Variants in POLRMT observed in about 807,000 individuals in gnomAD.
The protein encoded by POLRMT is RNA polymerase mitochondrial, also known as DNA-directed RNA polymerase, mitochondrial.
In POLRMT, 114 loss-of-function variants were observed where a neutral mutation model predicts 132.2. The observed-to-expected ratio is 0.86, with a 90% confidence interval of 0.74 to 1.01. POLRMT has a LOEUF of 1.01. POLRMT is among the 50% of genes least tolerant of loss of function. The pLI is 0.00. For synonymous variants in POLRMT, 1,020 were observed against 773.4 expected, an observed-to-expected ratio of 1.32 and a Z score of -5.29; for missense variants, 2,003 against 1,729.1, an observed-to-expected ratio of 1.16 and a Z score of -2.81.
intron 5 of POLRMT, 103 bp from the exon 6 acceptor site, chr19:623,706 A>C: frequency 7.1e-7 from 1 of 1,399,300 alleles, no homozygotes; most frequent in Non-Finnish European, 9.8e-7. Flanking sequence ...GTCTCCTGCA[A>C]GTTGCTGGTG....
rs1303898673 is a variant in POLRMT, at chr19:618,767, A to AG, written c.3268-8dup. The AG allele has an allele frequency of 6.9e-6, 11 of 1,594,104 alleles. No homozygotes were observed. The highest frequency in any genetic ancestry group is 1.7e-6 in the Non-Finnish European group (2 of 1,171,378). ...GAATTCCACCTCCTATTTGCTAAAAAGGGGAAGGGGCCGGTGAGTCCCACC... is the reference window on the plus strand; with the variant it reads ...GAATTCCACCTCCTATTTGCTAAAAAGGGGGAAGGGGCCGGTGAGTCCCACC... On this transcript the variant is annotated splice_region_variant and splice_polypyrimidine_tract_variant and intron_variant, in intron 15 of 20. Transcript: ENST00000588649.
At chr19:628,729 A>C (rs1600589762) in intron 3 of POLRMT, among the ~76,000 whole-genome samples, 1 of 151,956 alleles carries the variant, frequency 6.6e-6, no homozygotes, top group Non-Finnish European at 1.5e-5. Context: ...CTTTGGCCGG[A>C]TACGGTGGCT....
Position 624,886 on chromosome 19 carries a change from G to A in POLRMT, c.973C>T (p.Gln325Ter). 2.5e-6 allele frequency: 4 copies of A among 1,612,232 alleles called. No individual in the cohort carries two copies. The highest frequency in any genetic ancestry group is 2.5e-6 in the Non-Finnish European group (3 of 1,179,476). Residue 325 changes from glutamine (Q) to a stop codon, truncating the protein, a stop_gained, in exon 5 of 21, where the codon CAG becomes TAG. Transcript: ENST00000588649. LOFTEE classifies it high-confidence loss of function. ...AGTGCCTGCAGCTTCAGCCCCTCCT[G>A]GCTCATCTGTTCCAGACACCTGTGG... ...TIERCLEQMS[Q>*]EGLKLQALFT...
chr19:631,168 G>A (rs1413589065), intron 2 of POLRMT, among the ~76,000 whole-genome samples: 1 of 149,248 alleles, frequency 6.7e-6, no homozygotes, highest in African/African-American at 2.4e-5. Flanking sequence ...AAAAAAAAAA[G>A]ACTGTTGAAA....
At position 621,265 on chromosome 19, in the gene POLRMT, C is replaced by A. The variant is rs368896862; in HGVS notation, c.2433G>T (p.Pro811=). ...CGTCGCTGCCCAGGTGGTTGAAGTG[C>A]GGCGGGCAGGGGTAGGTGCGGCCGC... is the stretch of plus-strand genomic sequence containing the variant. The part of the protein sequence containing the change: ...DFRGRTYPCP[P]HFNHLGSDVA... The change falls in exon 10 of 21, where the codon CCG becomes CCT. Residue 811 remains proline (P), a synonymous_variant. Coordinates refer to ENST00000588649, the MANE Select transcript of POLRMT (RefSeq NM_005035.4). The A allele has an allele frequency of 6.2e-7, 1 of 1,607,334 alleles. No homozygotes were observed. Among genetic ancestry groups the A allele is most frequent in the African/African-American group, 1.3e-5 (1 of 74,680 alleles).
chr19:617,734 G>A (rs755262121), intron 18 of POLRMT, 43 bp downstream of exon 18: 3 of 1,610,128 alleles, frequency 1.9e-6, no homozygotes, highest in Non-Finnish European at 2.5e-6. Context: ...CCAGTGTGGG[G>A]GCCCCACCCA....
chr19:618,014 G>C lies in POLRMT; in HGVS notation c.3423-165C>G, dbSNP rs1256894554. On this transcript the variant is annotated intron_variant, in intron 17 of 20. Coordinates refer to ENST00000588649, the MANE Select transcript of POLRMT (RefSeq NM_005035.4). ...CCCCGCCCCTCCCCAAACATCCTGGGTTAGGTATCAGTACAGGGGGAGGAA... is the reference window on the plus strand; with the variant it reads ...CCCCGCCCCTCCCCAAACATCCTGGCTTAGGTATCAGTACAGGGGGAGGAA... 10 of 646,324 alleles carry C rather than the reference G, an allele frequency of 1.5e-5. No homozygotes were observed. In the East Asian group the frequency reaches 1.9e-4, roughly 12 times the overall value. 40.0% of individuals were successfully genotyped at this position (646,324 alleles called of 1,614,324 possible). A position where few individuals can be genotyped will look rare whatever the true frequency, so the allele number is the denominator to read the frequency against.
chr19:620,803 A>C (rs1984474927), intron 10 of POLRMT, among the ~76,000 whole-genome samples: 13 of 90,436 alleles, frequency 1.4e-4, no homozygotes, highest in East Asian at 1.1e-3. Context: ...AACGTGGGGA[A>C]CGCGGGGGCC....
intron 3 of POLRMT, 33 bp from the exon 4 acceptor site, chr19:625,287 G>T (rs199655485): frequency 3.7e-6 from 6 of 1,611,094 alleles, no homozygotes; most frequent in South Asian, 3.3e-5. Flanking sequence ...GGGTCTGGGG[G>T]GATGGCCCAA....
At chr19:631,681 C>T (rs115414704) in intron 2 of POLRMT, among the ~76,000 whole-genome samples, 20,914 of 152,038 alleles carry the variant, frequency 0.14, 1,608 homozygotes, top group South Asian at 0.18. Context: ...GCGTGATGTC[C>T]GCCTTCAGAG....
intron 12 of POLRMT, 21 bp downstream of exon 12, chr19:619,937 G>A (rs1450849883): frequency 3.7e-6 from 6 of 1,600,056 alleles, no homozygotes; most frequent in Middle Eastern, 4.1e-4. Flanking sequence ...AGATGCCCCC[G>A]GGCAGCAGGG....
At chr19:629,314 G>A (rs969161226) in intron 3 of POLRMT, among the ~76,000 whole-genome samples, 23 of 152,114 alleles carry the variant, frequency 1.5e-4, no homozygotes, top group African/African-American at 4.8e-4. Flanking sequence ...GAGAAAGAAC[G>A]GAAGGAAATG....
At position 622,569 on chromosome 19, in the gene POLRMT, G is replaced by T. The variant is rs779976161; in HGVS notation, c.1626+13C>A. The T allele has an allele frequency of 2.5e-6, 4 of 1,590,458 alleles. No homozygotes were observed. In the Admixed American group the frequency reaches 6.8e-5, roughly 27 times the overall value. On this transcript the variant is annotated intron_variant, in intron 8 of 20. Transcript: ENST00000588649. ...CTGGCCCCAGCCAGGAGGAGAGGGG[G>T]TGCGAGCCTCACCTCGGCGTCGGAG...
Position 622,576 on chromosome 19 carries a change from C to CCT in POLRMT, c.1626+4_1626+5dup. The CCT allele has an allele frequency of 6.3e-7, 1 of 1,595,352 alleles. No homozygotes were observed. Among genetic ancestry groups the CCT allele is most frequent in the Non-Finnish European group, 8.5e-7 (1 of 1,170,804 alleles). ...CAGCCAGGAGGAGAGGGGGTGCGAG[C>CCT]CTCACCTCGGCGTCGGAGGCCAGCA... On this transcript the variant is annotated splice_donor_region_variant and intron_variant, in intron 8 of 20. Transcript: ENST00000588649.
rs372323103 is a variant in POLRMT, at chr19:621,039, G to A, written c.2640+19C>T. ...CGGGGGTGCCGGGAGGGCGGGGAAT[G>A]CGGGGGCCCCGCCCCTACCGTCAAG... On this transcript the variant is annotated intron_variant, in intron 10 of 20. Transcript: ENST00000588649. 658 of 1,572,538 alleles carry A rather than the reference G, an allele frequency of 4.2e-4. 1 individual carries two copies. The highest frequency in any genetic ancestry group is 5.1e-4 in the Non-Finnish European group (595 of 1,162,770).
intron 9 of POLRMT, 86 bp downstream of exon 9, chr19:622,063 A>T: frequency 7.7e-7 from 1 of 1,307,162 alleles, no homozygotes; most frequent in South Asian, 1.5e-5. Context: ...GCTGAGATCA[A>T]GGCTCCGCCC....
chr19:621,707 AG>A lies in POLRMT; in HGVS notation c.1990del (p.Leu664CysfsTer7), dbSNP rs1380846731. 6.3e-7 allele frequency: 1 copy of A among 1,591,544 alleles called. No homozygotes were observed. The highest frequency in any genetic ancestry group is 2.2e-5 in the East Asian group (1 of 44,532). On this transcript the variant is annotated frameshift_variant, in exon 10 of 21. Transcript: ENST00000588649. LOFTEE classifies it high-confidence loss of function. The stretch of plus-strand genomic sequence containing the variant: ...GCGCATCAGCTTGGTGGGGCTGAGC[AG>A]GAAAGCACCAGAGTGCGGCGATGTC... ...PWTSPHSGAFLLSPTKLMRTV... is the reference protein window; with the variant it reads ...PWTSPHSGAFXLSPTKLMRTV...
In POLRMT at chr19:629,664, C is replaced by A; in HGVS notation, c.698G>T (p.Cys233Phe). 1.2e-6 allele frequency: 2 copies of A among 1,610,254 alleles called. No individual in the cohort carries two copies. The highest frequency in any genetic ancestry group is 1.7e-6 in the Non-Finnish European group (2 of 1,179,438). The stretch of plus-strand genomic sequence containing the variant: ...GAGGGGCAGCTGGTCAGTGAGCAGG[C>A]AGCACTTGAAGAAGGCCAGGAGCCT... The part of the protein sequence containing the change: ...QQRLLAFFKC[C>F]LLTDQLPLAH... The change falls in exon 3 of 21, where the codon TGC (cysteine) becomes TTC (phenylalanine). Residue 233 changes from cysteine (C) to phenylalanine (F), a missense_variant. Coordinates refer to ENST00000588649, the MANE Select transcript of POLRMT (RefSeq NM_005035.4).
intron 12 of POLRMT, 81 bp downstream of exon 12, chr19:619,877 G>A (rs1984367309): frequency 3.2e-6 from 5 of 1,586,394 alleles, no homozygotes; most frequent in East Asian, 2.2e-5. Context: ...GACAGGCCAA[G>A]GTGAGGGCAC....
Sources: gnomAD v4.1 joint callset for allele counts (sites outside exome capture counted in the v4.1 genomes callset) on GRCh38, gnomAD v4.1.1 for gene constraint, MANE v1.5 for transcripts, NCBI Gene and HGNC (gene_info 2026-07-23, HGNC 2026-07-21) for gene names.